The following B3GALT1 variants were observed in gnomAD, a reference collection of about 807,000 sequenced individuals.
B3GALT1 encodes the protein UDP-Gal:betaGlcNAc beta 1,3-galactosyltransferase, polypeptide 1.
In B3GALT1, 10 loss-of-function variants were observed where a neutral mutation model predicts 23.2. The ratio of observed to expected loss-of-function variants is 0.43; its 90% CI spans 0.27 to 0.73. The LOEUF (loss-of-function observed/expected upper bound fraction) is 0.73. Ranked by LOEUF, B3GALT1 falls within the 30% of genes least tolerant of loss-of-function variation. B3GALT1 has a pLI of 0.21. For missense variants in B3GALT1, 299 were observed against 405.4 expected, an observed-to-expected ratio of 0.74 and a Z score of 2.25; for synonymous variants, 156 against 141.5, an observed-to-expected ratio of 1.10 and a Z score of -0.73.
At chr2:167,794,798 A>G (rs1272266904) in intron 3 of B3GALT1, among the ~76,000 whole-genome samples, 1 of 152,190 alleles carries the variant, frequency 6.6e-6, no homozygotes, top group Non-Finnish European at 1.5e-5. Context: ...TAATTCCACA[A>G]AGTCAAAATG....
At chr2:167,741,987 C>T (rs2105277140) in intron 3 of B3GALT1, among the ~76,000 whole-genome samples, 1 of 152,136 alleles carries the variant, frequency 6.6e-6, no homozygotes, top group East Asian at 1.9e-4. Context: ...TTCAATTTGC[C>T]CTTACTGAGA....
rs555771342 is a variant in B3GALT1 at position 167,623,422 on chromosome 2, C to G, written c.-409-23487C>G. On this transcript the variant is annotated intron_variant, in intron 2 of 4. Transcript: ENST00000392690. ...ATATATACCATGGAATACTATGCAG[C>G]CATAAAAAAGGATGTTCATGTCCTT... Among the ~76,000 whole-genome samples, 8 of 152,130 alleles carry G rather than the reference C, an allele frequency of 5.3e-5. No individual in the cohort carries two copies. In the East Asian group the frequency reaches 1.5e-3, roughly 29 times the overall value.
intron 1 of B3GALT1, among the ~76,000 whole-genome samples, chr2:167,434,225 C>A (rs558527090): frequency 2.0e-5 from 3 of 151,956 alleles, no homozygotes; most frequent in Non-Finnish European, 4.4e-5. Flanking sequence ...AACTGCTTGC[C>A]AAGAAAACCA....
At chr2:167,533,963 A>G (rs957895649) in intron 2 of B3GALT1, among the ~76,000 whole-genome samples, 1 of 152,098 alleles carries the variant, frequency 6.6e-6, no homozygotes. Flanking sequence ...ATGATATTCT[A>G]CTGTCTTCTA....
At chr2:167,369,379 A>G (rs1697644514) in intron 1 of B3GALT1, among the ~76,000 whole-genome samples, 1 of 152,120 alleles carries the variant, frequency 6.6e-6, no homozygotes, top group African/African-American at 2.4e-5. Context: ...GCTCAGAATG[A>G]TAGGCTTGCA....
chr2:167,764,647 T>C (rs865941817), intron 3 of B3GALT1, among the ~76,000 whole-genome samples: 5 of 152,326 alleles, frequency 3.3e-5, no homozygotes, highest in African/African-American at 1.2e-4. Context: ...AATGCACTTT[T>C]TGAGAAAGAC....
At chr2:167,551,200 A>G (rs1683737468) in intron 2 of B3GALT1, among the ~76,000 whole-genome samples, 2 of 152,230 alleles carry the variant, frequency 1.3e-5, no homozygotes. Context: ...GGAAAGGGGA[A>G]AAGTTTTGGT....
At chr2:167,836,396 C>G (rs980152348) in intron 4 of B3GALT1, among the ~76,000 whole-genome samples, 5 of 151,974 alleles carry the variant, frequency 3.3e-5, no homozygotes, top group African/African-American at 1.2e-4. Flanking sequence ...GCCTCAGGAG[C>G]CGATGCGATC....
intron 3 of B3GALT1, among the ~76,000 whole-genome samples, chr2:167,668,556 C>T (rs1304556376): frequency 1.3e-5 from 2 of 152,180 alleles, no homozygotes; most frequent in Admixed American, 1.3e-4. Context: ...AGCCTCGCTG[C>T]CGCCTTGCAG....
chr2:167,428,681 A>T (rs1191219486), intron 1 of B3GALT1, among the ~76,000 whole-genome samples: 1 of 152,120 alleles, frequency 6.6e-6, no homozygotes, highest in Non-Finnish European at 1.5e-5. Context: ...CCATTTAAAA[A>T]AAAAGTGGAC....
chr2:167,378,481 A>T (rs745306161), intron 1 of B3GALT1, among the ~76,000 whole-genome samples: 1 of 152,062 alleles, frequency 6.6e-6, no homozygotes, highest in Non-Finnish European at 1.5e-5. Context: ...TAGTTGCCTT[A>T]AATAATACCA....
At chr2:167,307,741 C>T (rs1481568288) in intron 1 of B3GALT1, among the ~76,000 whole-genome samples, 1 of 151,964 alleles carries the variant, frequency 6.6e-6, no homozygotes, top group Non-Finnish European at 1.5e-5. Context: ...TTAGGGATGT[C>T]TCTTCCAAGA....
chr2:167,796,920 A>G (rs892270174), intron 3 of B3GALT1, among the ~76,000 whole-genome samples: 1 of 152,220 alleles, frequency 6.6e-6, no homozygotes, highest in Non-Finnish European at 1.5e-5. Flanking sequence ...GGCTAGGTTG[A>G]TGAGGGAGAC....
intron 1 of B3GALT1, among the ~76,000 whole-genome samples, chr2:167,468,279 G>T (rs1216863946): frequency 1.3e-5 from 2 of 152,068 alleles, no homozygotes; most frequent in African/African-American, 4.8e-5. Context: ...AATCTAATCA[G>T]TGTTGGACAG....
chr2:167,696,859 A>T (rs963290693), intron 3 of B3GALT1, among the ~76,000 whole-genome samples: 1 of 152,180 alleles, frequency 6.6e-6, no homozygotes, highest in African/African-American at 2.4e-5. Context: ...TGATTGATTT[A>T]ATCTGAGTTT....
At chr2:167,388,151 A>G (rs1697954635) in intron 1 of B3GALT1, among the ~76,000 whole-genome samples, 1 of 152,202 alleles carries the variant, frequency 6.6e-6, no homozygotes, top group South Asian at 2.1e-4. Flanking sequence ...TAAATCCTGC[A>G]TTTATTGGGA....
intron 4 of B3GALT1, among the ~76,000 whole-genome samples, chr2:167,831,542 G>A (rs1330713196): frequency 6.6e-6 from 1 of 152,140 alleles, no homozygotes; most frequent in African/African-American, 2.4e-5. Flanking sequence ...AAAAATTAGA[G>A]TATTATCTCC....
At chr2:167,352,534 C>G (rs545491412) in intron 1 of B3GALT1, among the ~76,000 whole-genome samples, 61 of 145,896 alleles carry the variant, frequency 4.2e-4, no homozygotes, top group Non-Finnish European at 7.8e-4. Flanking sequence ...CTGGCTAACA[C>G]GGTGAAACTC....
chr2:167,838,636 C>T (rs1196919759), intron 4 of B3GALT1, among the ~76,000 whole-genome samples: 2 of 152,282 alleles, frequency 1.3e-5, no homozygotes, highest in East Asian at 3.8e-4. Flanking sequence ...GAAACTATTC[C>T]AATCAATAGA....
Sources: gnomAD v4.1 joint callset for allele counts (sites outside exome capture counted in the v4.1 genomes callset) on GRCh38, gnomAD v4.1.1 for gene constraint, MANE v1.5 for transcripts, NCBI Gene and HGNC (gene_info 2026-07-23, HGNC 2026-07-21) for gene names.